The following NUTM2E variants were observed in gnomAD, a reference collection of about 807,000 sequenced individuals.
NUTM2E encodes the protein NUT family member 2E, also known as family with sequence similarity 22, member E.
A neutral mutation model predicts 26.1 loss-of-function variants in NUTM2E; 3 were observed. The ratio of observed to expected loss-of-function variants is 0.12; its 90% CI spans 0.05 to 0.30. NUTM2E has a LOEUF of 0.30. NUTM2E is among the 10% of genes least tolerant of loss of function. The pLI, the probability that NUTM2E is intolerant of heterozygous loss-of-function variation, is 1.00. For missense variants in NUTM2E, 62 were observed against 381.3 expected, an observed-to-expected ratio of 0.16 and a Z score of 6.97; for synonymous variants, 13 against 157.5, an observed-to-expected ratio of 0.08 and a Z score of 6.87.
chr10:79,828,980 C>T (rs1346700889), intron 1 of NUTM2E, among the ~76,000 whole-genome samples: 1 of 151,608 alleles, frequency 6.6e-6, no homozygotes, highest in Non-Finnish European at 1.5e-5. Flanking sequence ...AAATTTTGAC[C>T]ATACCTGAAT....
chr10:79,847,833 G>A (rs1370205719), intron 6 of NUTM2E, 98 bp from the exon 7 acceptor site: 8 of 378,166 alleles, frequency 2.1e-5, no homozygotes, highest in South Asian at 4.7e-5. Context: ...CAGCCCACCC[G>A]AGGCACTCCC....
At chr10:79,834,011 CTG>C (rs1372337399) in intron 1 of NUTM2E, among the ~76,000 whole-genome samples, 1 of 151,884 alleles carries the variant, frequency 6.6e-6, no homozygotes, top group Non-Finnish European at 1.5e-5. Context: ...CACATATACA[CTG>C]TGGAATGCTA....
At chr10:79,833,913 T>G (rs1162547793) in intron 1 of NUTM2E, among the ~76,000 whole-genome samples, 1 of 151,856 alleles carries the variant, frequency 6.6e-6, no homozygotes, top group East Asian at 1.9e-4. Flanking sequence ...TATGCACATG[T>G]ATGTTTATTG....
rs1019016376 is a variant in NUTM2E, at chr10:79,836,510, C to A, written c.-2727-1799C>A. Among the ~76,000 whole-genome samples, 2 of 151,842 alleles carry A rather than the reference C, an allele frequency of 1.3e-5. 1 individual carries two copies. Among genetic ancestry groups the A allele is most frequent in the Admixed American group, 1.3e-4 (2 of 15,230 alleles). ...TGCAAAAGGTACATCATAAAAACTG[C>A]TTTGTTATATGTTGTGTGCACTTGT... On this transcript the variant is annotated intron_variant, in intron 1 of 9. Transcript: ENST00000429984.
At chr10:79,836,543 T>A (rs988154056) in intron 1 of NUTM2E, among the ~76,000 whole-genome samples, 3 of 151,944 alleles carry the variant, frequency 2.0e-5, no homozygotes, top group Non-Finnish European at 4.4e-5. Context: ...TGTATTTGTG[T>A]ATTTACATAT....
rs1006225281 is a variant in NUTM2E, at chr10:79,840,720, C to T, written c.-1021C>T. Among the ~76,000 whole-genome samples, 5 of 150,804 alleles carry T rather than the reference C, an allele frequency of 3.3e-5. No homozygotes were observed. Among genetic ancestry groups the T allele is most frequent in the African/African-American group, 1.2e-4 (5 of 40,866 alleles). On this transcript the variant is annotated 5_prime_UTR_variant, in exon 4 of 10. Transcript: ENST00000429984. Reference sequence around the variant, plus strand: ...CGAAAGGGCAAATGCTTCGTAAGTGCCGACAGGGTGTGTTTCAGTGAATGT... The same window carrying T: ...CGAAAGGGCAAATGCTTCGTAAGTGTCGACAGGGTGTGTTTCAGTGAATGT...
chr10:79,830,761 T>C (rs1486615430), intron 1 of NUTM2E, among the ~76,000 whole-genome samples: 1 of 151,840 alleles, frequency 6.6e-6, no homozygotes, highest in Non-Finnish European at 1.5e-5. Flanking sequence ...TGTTTAAATA[T>C]CAGGACATTT....
At chr10:79,831,016 A>G (rs1419634143) in intron 1 of NUTM2E, among the ~76,000 whole-genome samples, 1 of 151,872 alleles carries the variant, frequency 6.6e-6, no homozygotes, top group Non-Finnish European at 1.5e-5. Context: ...TGAGACAGCC[A>G]TAGATCTCTT....
In NUTM2E at chr10:79,842,120, G is replaced by C; in HGVS notation, c.380G>C (p.Gly127Ala). 1.8e-6 allele frequency: 2 copies of C among 1,097,980 alleles called. No homozygotes were observed. The highest frequency in any genetic ancestry group is 2.7e-6 in the Non-Finnish European group (2 of 745,434). The allele number at this position is 1,097,980 out of a possible 1,614,324, so 68.0% of individuals were successfully genotyped here. A position where few individuals can be genotyped will look rare whatever the true frequency, so the allele number is the denominator to read the frequency against. ...CAGCCTGAGGGGATGGCTTCGAATG[G>C]AGGTAAGCCTGTAGGGATGGGGGCA... is the stretch of plus-strand genomic sequence containing the variant. ...SAQPEGMASN[G>A]AYPVLGPGVT... Residue 127 changes from glycine to alanine, a missense_variant and splice_region_variant, in exon 4 of 10, where the codon GGA (glycine) becomes GCA (alanine). Gly to Ala is a moderately conservative substitution (Grantham distance 60, BLOSUM62 0). Coordinates refer to ENST00000429984, the MANE Select transcript of NUTM2E (RefSeq NM_001355263.2).
At chr10:79,836,490 A>C (rs1841964307) in intron 1 of NUTM2E, among the ~76,000 whole-genome samples, 1 of 151,928 alleles carries the variant, frequency 6.6e-6, no homozygotes, top group South Asian at 2.1e-4. Context: ...TGTAATGCAA[A>C]AGGTACATCA....
intron 1 of NUTM2E, chr10:79,827,710 CAT>C (rs1443919696): frequency 2.0e-5 from 3 of 150,252 alleles, no homozygotes; most frequent in Non-Finnish European, 4.4e-5. Context: ...GAAAAAGTGA[CAT>C]TATTGCTGGT....
chr10:79,834,450 A>G (rs370601070), intron 1 of NUTM2E, among the ~76,000 whole-genome samples: 14 of 151,630 alleles, frequency 9.2e-5, no homozygotes, highest in Non-Finnish European at 1.8e-4. Context: ...CCTATAATCC[A>G]AGCACTTTGG....
chr10:79,833,539 G>C (rs1490059200), intron 1 of NUTM2E, among the ~76,000 whole-genome samples: 3 of 151,776 alleles, frequency 2.0e-5, no homozygotes, highest in African/African-American at 7.3e-5. Flanking sequence ...CCATCAAAAA[G>C]TGGGTGAAGG....
chr10:79,827,404 G>T (rs560534606), intron 1 of NUTM2E, 47 bp downstream of exon 1: 1 of 151,760 alleles, frequency 6.6e-6, no homozygotes, highest in South Asian at 2.1e-4. Flanking sequence ...TTGATCTTAT[G>T]ACAGCATTTG....
At chr10:79,831,049 C>CT (rs1841924530) in intron 1 of NUTM2E, among the ~76,000 whole-genome samples, 1 of 151,644 alleles carries the variant, frequency 6.6e-6, no homozygotes, top group South Asian at 2.1e-4. Context: ...TTTTTATTCT[C>CT]TTTGTTTTTC....
intron 1 of NUTM2E, among the ~76,000 whole-genome samples, chr10:79,830,207 G>C (rs1841917650): frequency 6.6e-6 from 1 of 151,410 alleles, no homozygotes; most frequent in Admixed American, 6.6e-5. Flanking sequence ...CTGTGATATA[G>C]TAAATTAATA....
At chr10:79,834,476 G>A (rs1389417996) in intron 1 of NUTM2E, among the ~76,000 whole-genome samples, 14 of 151,572 alleles carry the variant, frequency 9.2e-5, no homozygotes, top group Admixed American at 7.9e-4. Context: ...CGAGGCAGGC[G>A]GATCACCTGA....
intron 1 of NUTM2E, among the ~76,000 whole-genome samples, chr10:79,832,995 T>C (rs1169731788): frequency 2.6e-5 from 4 of 151,718 alleles, no homozygotes; most frequent in African/African-American, 9.7e-5. Flanking sequence ...TGCATGTTTG[T>C]GTCGTATTTT....
At position 79,838,550 on chromosome 10, in the gene NUTM2E, C is replaced by G. The variant is rs1287093403; in HGVS notation, c.-2486C>G. On this transcript the variant is annotated 5_prime_UTR_variant, in exon 2 of 10. Transcript: ENST00000429984. ...GCCGAGACACACTTTGAGGTTCCCA[C>G]TGCATTGTTACACCTCCCCCCTCAC... 2.7e-3 allele frequency among the ~76,000 whole-genome samples: 391 copies of G among 143,454 alleles called. No individual in the cohort carries two copies. The highest frequency in any genetic ancestry group is 4.0e-3 in the Non-Finnish European group (253 of 63,668). 94.1% of individuals were successfully genotyped at this position (143,454 alleles called of 152,430 possible).
Sources: gnomAD v4.1 joint callset for allele counts (sites outside exome capture counted in the v4.1 genomes callset) on GRCh38, gnomAD v4.1.1 for gene constraint, MANE v1.5 for transcripts, NCBI Gene and HGNC (gene_info 2026-07-23, HGNC 2026-07-21) for gene names.